Variants in CEP170 observed in about 807,000 individuals in gnomAD.
CEP170 encodes the protein centrosomal protein 170, also known as centrosomal protein of 170 kDa.
A neutral mutation model predicts 151.9 loss-of-function variants in CEP170; 21 were observed. That is an observed-to-expected ratio of 0.14 (90% CI 0.10 to 0.20). CEP170 has a LOEUF of 0.20. Ranked by LOEUF, CEP170 falls within the 10% of genes least tolerant of loss-of-function variation. The probability of loss-of-function intolerance (pLI) is 1.00; values close to 1 mark genes in which losing one functional copy is unlikely to be tolerated. For missense variants in CEP170, 964 were observed against 1,892.9 expected (o/e 0.51, Z 9.11); for synonymous variants, 356 against 648.8 (o/e 0.55, Z 6.86).
chr1:243,191,845 C>T (rs1183512385), intron 7 of CEP170, among the ~76,000 whole-genome samples: 2 of 152,046 alleles, frequency 1.3e-5, no homozygotes, highest in African/African-American at 4.8e-5. Flanking sequence ...GATGGAGATG[C>T]ATGTTCAATG....
chr1:243,195,592 G>A (rs1248250378), intron 7 of CEP170, among the ~76,000 whole-genome samples: 1 of 151,690 alleles, frequency 6.6e-6, no homozygotes, highest in African/African-American at 2.4e-5. Flanking sequence ...TAATAACGAA[G>A]AAGCAAATCA....
intron 4 of CEP170, among the ~76,000 whole-genome samples, chr1:243,203,663 A>C (rs1318761157): frequency 1.3e-5 from 2 of 152,126 alleles, no homozygotes; most frequent in Non-Finnish European, 2.9e-5. Context: ...TATTTTTCAA[A>C]ATTAATATAT....
intron 1 of CEP170, among the ~76,000 whole-genome samples, chr1:243,238,963 TCTA>T (rs1237194270): frequency 6.6e-6 from 1 of 152,228 alleles, no homozygotes; most frequent in Non-Finnish European, 1.5e-5. Flanking sequence ...TTTGAAAGTG[TCTA>T]CTTTTTCTTT....
intron 17 of CEP170, 129 bp downstream of exon 17, chr1:243,136,014 T>C: frequency 7.0e-7 from 1 of 1,436,068 alleles, no homozygotes; most frequent in Non-Finnish European, 9.5e-7. Flanking sequence ...TAGTACTGGA[T>C]AGATATTTAC....
rs546552955 is a variant in CEP170 at position 243,137,386 on chromosome 1, G to A, written c.4231-1155C>T. On this transcript the variant is annotated intron_variant, in intron 16 of 19. Coordinates refer to ENST00000366542, the MANE Select transcript of CEP170 (RefSeq NM_014812.3). ...TTTAAAGACCACTGGGAGAGGTGAC[G>A]GTAATATACAGGGAATACGATTACA... 2.0e-5 allele frequency among the ~76,000 whole-genome samples: 3 copies of A among 152,296 alleles called. No homozygotes were observed. The South Asian group carries it at 6.2e-4, about 32-fold the overall frequency.
At chr1:243,138,263 G>T (rs1353481087) in intron 16 of CEP170, among the ~76,000 whole-genome samples, 1 of 151,814 alleles carries the variant, frequency 6.6e-6, no homozygotes, top group African/African-American at 2.4e-5. Flanking sequence ...GGGACAGAAT[G>T]ATTATGAGTA....
chr1:243,173,465 G>A (rs1433152021), intron 10 of CEP170, among the ~76,000 whole-genome samples: 1 of 151,700 alleles, frequency 6.6e-6, no homozygotes, highest in Non-Finnish European at 1.5e-5. Flanking sequence ...GTCAGGCGTG[G>A]TGGCACACAC....
intron 3 of CEP170, among the ~76,000 whole-genome samples, chr1:243,218,667 G>C (rs1384031341): frequency 6.6e-6 from 1 of 152,134 alleles, no homozygotes; most frequent in African/African-American, 2.4e-5. Context: ...TCTTTGAAAA[G>C]TATATAGGCT....
intron 1 of CEP170, among the ~76,000 whole-genome samples, chr1:243,246,236 T>TC: frequency 6.9e-6 from 1 of 145,680 alleles, no homozygotes; most frequent in East Asian, 1.9e-4. Flanking sequence ...CTTTTTTTTT[T>TC]TTTTTTTTTT....
At chr1:243,189,010 T>C (rs2060108870) in intron 8 of CEP170, among the ~76,000 whole-genome samples, 1 of 152,200 alleles carries the variant, frequency 6.6e-6, no homozygotes, top group South Asian at 2.1e-4. Context: ...CTTCAATGGC[T>C]TGTAAAATGG....
intron 2 of CEP170, among the ~76,000 whole-genome samples, chr1:243,223,502 T>A (rs1455926803): frequency 6.6e-6 from 1 of 152,210 alleles, no homozygotes; most frequent in Admixed American, 6.5e-5. Flanking sequence ...CTTCACTAAG[T>A]GAACAACTTG....
At chr1:243,157,218 G>C (rs2057644373) in intron 13 of CEP170, among the ~76,000 whole-genome samples, 1 of 152,194 alleles carries the variant, frequency 6.6e-6, no homozygotes, top group Non-Finnish European at 1.5e-5. Context: ...ATACTGTGAA[G>C]AGTCACATTA....
intron 4 of CEP170, among the ~76,000 whole-genome samples, chr1:243,203,633 A>C (rs2148855513): frequency 6.6e-6 from 1 of 152,268 alleles, no homozygotes; most frequent in East Asian, 1.9e-4. Flanking sequence ...TATTTCATAC[A>C]AGGAAAGATC....
intron 1 of CEP170, among the ~76,000 whole-genome samples, chr1:243,232,061 T>C (rs984384288): frequency 6.6e-6 from 1 of 152,092 alleles, no homozygotes; most frequent in Non-Finnish European, 1.5e-5. Context: ...CCTCCCAAGC[T>C]CAAGCTCCAG....
chr1:243,224,311 T>C (rs1467004860), intron 2 of CEP170, among the ~76,000 whole-genome samples: 1 of 152,176 alleles, frequency 6.6e-6, no homozygotes, highest in Non-Finnish European at 1.5e-5. Flanking sequence ...TCCTGTTACT[T>C]AAACTTCTGG....
chr1:243,215,060 C>T (rs940963163), intron 3 of CEP170, among the ~76,000 whole-genome samples: 17 of 152,238 alleles, frequency 1.1e-4, no homozygotes, highest in African/African-American at 4.1e-4. Context: ...ATTTCTTATG[C>T]CTGTCTTTAC....
Position 243,164,152 on chromosome 1 carries a change from G to A in CEP170, c.3676+132C>T, listed in dbSNP as rs3015141. 2.3e-5 allele frequency: 27 copies of A among 1,185,624 alleles called. No homozygotes were observed. In the South Asian group the frequency reaches 7.0e-4, roughly 31 times the overall value. The allele number at this position is 1,185,624 out of a possible 1,614,324, so 73.4% of individuals were successfully genotyped here. On this transcript the variant is annotated intron_variant, in intron 13 of 19. Transcript: ENST00000366542. ...ATAGACCCCCCACCGCCGCTGCCCC[G>A]TATATCATAACTTTTGTTTTGAATG...
At chr1:243,245,378 G>C (rs2065272503) in intron 1 of CEP170, among the ~76,000 whole-genome samples, 1 of 151,904 alleles carries the variant, frequency 6.6e-6, no homozygotes, top group East Asian at 1.9e-4. Context: ...CCAGGAGTTT[G>C]AGACCAGCCT....
intron 4 of CEP170, among the ~76,000 whole-genome samples, chr1:243,208,744 T>C (rs1474943810): frequency 2.0e-5 from 3 of 151,976 alleles, no homozygotes; most frequent in Non-Finnish European, 2.9e-5. Flanking sequence ...TTCACTTTTT[T>C]CCATAGAACT....
Sources: gnomAD v4.1 joint callset for allele counts (sites outside exome capture counted in the v4.1 genomes callset) on GRCh38, gnomAD v4.1.1 for gene constraint, MANE v1.5 for transcripts, NCBI Gene and HGNC (gene_info 2026-07-23, HGNC 2026-07-21) for gene names.